Variants in TAF3 observed in about 807,000 individuals in gnomAD.
TAF3 encodes the protein TATA-box binding protein associated factor 3.
Under a neutral mutation model 80.6 loss-of-function variants are expected in TAF3, and 7 were observed. The observed-to-expected ratio is 0.09, with a 90% confidence interval of 0.05 to 0.16. TAF3 has a LOEUF of 0.16. Ranked by LOEUF, TAF3 falls within the 10% of genes least tolerant of loss-of-function variation. The pLI, the probability that TAF3 is intolerant of heterozygous loss-of-function variation, is 1.00. For synonymous variants in TAF3, 444 were observed against 446.1 expected (o/e 1.00, Z 0.06); for missense variants, 921 against 1,140.2 (o/e 0.81, Z 2.77).
intron 2 of TAF3, among the ~76,000 whole-genome samples, chr10:7,934,382 G>A (rs1220919917): frequency 1.3e-5 from 2 of 152,050 alleles, no homozygotes; most frequent in Non-Finnish European, 1.5e-5. Context: ...AAATGTGGTA[G>A]GCATTCCGTC....
At chr10:7,936,339 CT>C (rs1837920160) in intron 2 of TAF3, among the ~76,000 whole-genome samples, 1 of 152,032 alleles carries the variant, frequency 6.6e-6, no homozygotes, top group Admixed American at 6.5e-5. Context: ...AATGTCATCC[CT>C]GGGAGCTTCT....
At chr10:7,952,265 CA>C (rs973447072) in intron 2 of TAF3, among the ~76,000 whole-genome samples, 133 of 147,480 alleles carry the variant, frequency 9.0e-4, no homozygotes, top group African/African-American at 3.0e-3. Context: ...TTATTTCTTG[CA>C]AAAAAAAAAT....
At chr10:8,006,387 A>AC (rs1315592825) in intron 4 of TAF3, among the ~76,000 whole-genome samples, 2 of 152,132 alleles carry the variant, frequency 1.3e-5, no homozygotes, top group African/African-American at 4.8e-5. Context: ...AAAAAAAAAA[A>AC]ACCTAGATAA....
At chr10:7,998,243 A>ATATATATATATATATATATGTATC (rs1831907862) in intron 4 of TAF3, among the ~76,000 whole-genome samples, 2 of 19,364 alleles carry the variant, frequency 1.0e-4, no homozygotes, top group Non-Finnish European at 2.9e-4. Context: ...AGTGAGAACT[A>ATATATATATATATATATATGTATC]TATATATATA....
At chr10:7,947,403 C>T (rs1332312366) in intron 2 of TAF3, among the ~76,000 whole-genome samples, 3 of 149,834 alleles carry the variant, frequency 2.0e-5, no homozygotes, top group African/African-American at 4.9e-5. Context: ...CAGCATGAAG[C>T]TTATTGCATT....
Position 7,915,416 on chromosome 10 carries a change from G to A in TAF3, c.410-48504G>A, listed in dbSNP as rs1345267008. Among the ~76,000 whole-genome samples the A allele has an allele frequency of 6.7e-5, 10 of 148,438 alleles. No individual in the cohort carries two copies. The East Asian group carries it at 8.4e-4, about 12-fold the overall frequency. ...TCCCAGCACTTTGGGAGGCCGAGAC[G>A]GGTGGATCACGAGGTCAGGAGATCG... On this transcript the variant is annotated intron_variant, in intron 2 of 6. Transcript: ENST00000344293.
intron 3 of TAF3, among the ~76,000 whole-genome samples, chr10:7,972,864 C>G (rs1020031393): frequency 6.6e-6 from 1 of 152,108 alleles, no homozygotes; most frequent in African/African-American, 2.4e-5. Context: ...CCATGGAGAA[C>G]AAAATTTACA....
chr10:7,932,658 T>C (rs1220280858), intron 2 of TAF3, among the ~76,000 whole-genome samples: 1 of 151,052 alleles, frequency 6.6e-6, no homozygotes, highest in Non-Finnish European at 1.5e-5. Flanking sequence ...CGTTGATTTA[T>C]GTTCCACTTA....
intron 2 of TAF3, among the ~76,000 whole-genome samples, chr10:7,927,800 T>C (rs2131194476): frequency 6.6e-6 from 1 of 152,308 alleles, no homozygotes; most frequent in Middle Eastern, 3.4e-3. Flanking sequence ...ATTATGTTAA[T>C]AAAATAAGAG....
chr10:7,934,216 G>T (rs914608), intron 2 of TAF3, among the ~76,000 whole-genome samples: 1 of 152,086 alleles, frequency 6.6e-6, no homozygotes, highest in Non-Finnish European at 1.5e-5. Context: ...ATGGATGAGC[G>T]ATCTATTAAG....
intron 2 of TAF3, among the ~76,000 whole-genome samples, chr10:7,930,547 C>T (rs1051854220): frequency 6.6e-6 from 1 of 152,136 alleles, no homozygotes. Flanking sequence ...AGTACAATTG[C>T]TTCTTTTTGT....
At chr10:7,931,200 C>A (rs1213787393) in intron 2 of TAF3, among the ~76,000 whole-genome samples, 1 of 152,122 alleles carries the variant, frequency 6.6e-6, no homozygotes, top group Non-Finnish European at 1.5e-5. Context: ...ATTTAATTCA[C>A]CCCTCATAAT....
Position 8,005,905 on chromosome 10 carries a change from G to T in TAF3, c.2316-3173G>T, listed in dbSNP as rs77133414. 1.0e-3 allele frequency among the ~76,000 whole-genome samples: 158 copies of T among 152,316 alleles called. 3 individuals carry two copies. In the East Asian group the frequency reaches 0.023, roughly 22 times the overall value. ...AGATCACAGGCTCTAAAATCAGACT[G>T]CCTTGTTTAAATCCTGGCCCTGCCA... On this transcript the variant is annotated intron_variant, in intron 4 of 6. Transcript: ENST00000344293.
At chr10:8,004,285 C>T (rs751070415) in intron 4 of TAF3, among the ~76,000 whole-genome samples, 4 of 152,036 alleles carry the variant, frequency 2.6e-5, no homozygotes, top group Admixed American at 1.3e-4. Flanking sequence ...TGGCCTCAAG[C>T]GATCCACCCA....
chr10:7,932,657 A>G (rs1310571301), intron 2 of TAF3, among the ~76,000 whole-genome samples: 2 of 138,516 alleles, frequency 1.4e-5, no homozygotes, highest in Non-Finnish European at 3.1e-5. Context: ...ACGTTGATTT[A>G]TGTTCCACTT....
At chr10:7,919,876 A>G (rs1837746574) in intron 2 of TAF3, among the ~76,000 whole-genome samples, 1 of 152,116 alleles carries the variant, frequency 6.6e-6, no homozygotes, top group African/African-American at 2.4e-5. Context: ...ATGTACATAG[A>G]AAAATATTGT....
intron 4 of TAF3, among the ~76,000 whole-genome samples, chr10:8,004,479 T>A (rs1367100508): frequency 3.3e-5 from 5 of 152,164 alleles, no homozygotes; most frequent in Non-Finnish European, 5.9e-5. Flanking sequence ...TTTTTTTTTT[T>A]AAATGTGCTG....
intron 3 of TAF3, among the ~76,000 whole-genome samples, chr10:7,967,904 C>G (rs1831588205): frequency 6.6e-6 from 1 of 152,108 alleles, no homozygotes; most frequent in African/African-American, 2.4e-5. Flanking sequence ...AATATTAGCC[C>G]TTGATACAAA....
At chr10:7,831,038 G>A (rs532328936) in intron 2 of TAF3, among the ~76,000 whole-genome samples, 8 of 152,288 alleles carry the variant, frequency 5.3e-5, no homozygotes, top group African/African-American at 1.9e-4. Flanking sequence ...CAGTGCTGAT[G>A]CTCAGTGCCT....
Sources: allele counts gnomAD v4.1 joint callset (sites outside exome capture counted in the v4.1 genomes callset), GRCh38; gene constraint gnomAD v4.1.1; transcripts MANE v1.5; gene names NCBI Gene and HGNC (gene_info 2026-07-23, HGNC 2026-07-21).